KCNQ3: variants seen among roughly 807,000 people sequenced by gnomAD.
KCNQ3 encodes the protein potassium voltage-gated channel subfamily Q member 3, also known as potassium voltage-gated channel subfamily KQT member 3.
Under a neutral mutation model 92.5 loss-of-function variants are expected in KCNQ3, and 30 were observed. The ratio of observed to expected loss-of-function variants is 0.32; its 90% confidence interval spans 0.24 to 0.44. The LOEUF is 0.44. Among genes scored for constraint, KCNQ3 ranks in the 20% least tolerant of loss-of-function variants. The pLI is 1.00. For missense variants in KCNQ3, 913 were observed against 1,140.3 expected, an observed-to-expected ratio of 0.80 and a Z score of 2.87; for synonymous variants, 450 against 468.8, an observed-to-expected ratio of 0.96 and a Z score of 0.52.
chr8:132,439,582 A>AC (rs1821482199), intron 1 of KCNQ3, among the ~76,000 whole-genome samples: 2 of 152,152 alleles, frequency 1.3e-5, no homozygotes, highest in Admixed American at 1.3e-4. Context: ...ATTCCAGATT[A>AC]CCTAGGTGGG....
In KCNQ3 at chr8:132,480,670, A is replaced by AC. The variant is rs879019805; in HGVS notation, c.-139dup. On this transcript the variant is annotated 5_prime_UTR_variant, in exon 1 of 15. Transcript: ENST00000388996. ...TGCCATGATCCGCGCGCCCCTCCCC[A>AC]CCCCCCCCCAAAAGCAGGCAAAGGC... 0.098 allele frequency: 70,853 copies of AC among 723,788 alleles called. 1,612 individuals carry two copies. Among genetic ancestry groups the AC allele is most frequent in the Middle Eastern group, 0.12 (167 of 1,432 alleles). 44.8% of individuals were successfully genotyped at this position (723,788 alleles called of 1,614,324 possible). A position where few individuals can be genotyped will look rare whatever the true frequency, so the allele number is the denominator to read the frequency against.
intron 1 of KCNQ3, among the ~76,000 whole-genome samples, chr8:132,420,896 C>T (rs1386078402): frequency 3.3e-5 from 5 of 151,968 alleles, no homozygotes; most frequent in African/African-American, 7.3e-5. Flanking sequence ...CAGACCAGCA[C>T]ATAGTAGAGA....
At chr8:132,172,809 G>A in intron 6 of KCNQ3, 116 bp from the exon 7 acceptor site, 1 of 759,718 alleles carries the variant, frequency 1.3e-6, no homozygotes, top group Non-Finnish European at 2.4e-6. Flanking sequence ...TCCTTGCAGT[G>A]ACAACACTGT....
intron 1 of KCNQ3, among the ~76,000 whole-genome samples, chr8:132,314,195 T>C (rs543217025): frequency 2.8e-4 from 43 of 152,294 alleles, no homozygotes; most frequent in Non-Finnish European, 4.3e-4. Context: ...ATGCAAAACA[T>C]TTCCTAAATG....
At chr8:132,423,889 G>A (rs970467495) in intron 1 of KCNQ3, among the ~76,000 whole-genome samples, 5 of 152,060 alleles carry the variant, frequency 3.3e-5, no homozygotes, top group South Asian at 2.1e-4. Context: ...TGAGTAAAGC[G>A]TATTGTACTT....
chr8:132,273,996 T>G (rs1816245577), intron 1 of KCNQ3, among the ~76,000 whole-genome samples: 1 of 152,196 alleles, frequency 6.6e-6, no homozygotes, highest in South Asian at 2.1e-4. Context: ...CACATTTTCC[T>G]GTCTTCTGAG....
intron 1 of KCNQ3, among the ~76,000 whole-genome samples, chr8:132,291,293 T>C (rs1255687327): frequency 6.6e-6 from 1 of 152,202 alleles, no homozygotes; most frequent in Non-Finnish European, 1.5e-5. Flanking sequence ...TTTTGGATAC[T>C]GACAGAGATG....
intron 1 of KCNQ3, among the ~76,000 whole-genome samples, chr8:132,396,766 G>A (rs1261915354): frequency 2.0e-5 from 3 of 152,184 alleles, no homozygotes; most frequent in East Asian, 1.9e-4. Flanking sequence ...GATACAGAGA[G>A]TATCTGGGTG....
chr8:132,204,882 T>C (rs1442005409), intron 1 of KCNQ3, among the ~76,000 whole-genome samples: 1 of 152,180 alleles, frequency 6.6e-6, no homozygotes, highest in Non-Finnish European at 1.5e-5. Context: ...CTCATCATCC[T>C]CCATGCTTGA....
At chr8:132,416,485 T>C (rs764191466) in intron 1 of KCNQ3, among the ~76,000 whole-genome samples, 2 of 152,058 alleles carry the variant, frequency 1.3e-5, no homozygotes, top group Non-Finnish European at 2.9e-5. Context: ...CCAGACATGA[T>C]GGCGGGCACC....
intron 1 of KCNQ3, among the ~76,000 whole-genome samples, chr8:132,192,142 T>C (rs962798513): frequency 4.6e-5 from 7 of 152,082 alleles, no homozygotes; most frequent in East Asian, 1.9e-4. Flanking sequence ...ACCACCAAAA[T>C]GCAGTTTCAG....
At chr8:132,197,554 C>T (rs914687535) in intron 1 of KCNQ3, among the ~76,000 whole-genome samples, 1 of 152,200 alleles carries the variant, frequency 6.6e-6, no homozygotes, top group African/African-American at 2.4e-5. Flanking sequence ...AGTGGGCAGG[C>T]ACAGTGGGAA....
intron 9 of KCNQ3, among the ~76,000 whole-genome samples, chr8:132,158,895 A>G (rs1444903877): frequency 6.6e-6 from 1 of 152,180 alleles, no homozygotes; most frequent in Non-Finnish European, 1.5e-5. Context: ...CACATAGGAA[A>G]TAAAGATGGT....
chr8:132,278,443 C>T (rs1367651502), intron 1 of KCNQ3, among the ~76,000 whole-genome samples: 2 of 152,206 alleles, frequency 1.3e-5, no homozygotes, highest in Non-Finnish European at 2.9e-5. Flanking sequence ...TTCCTATGGG[C>T]TAGTGATCCT....
chr8:132,372,403 A>AT (rs895564024), intron 1 of KCNQ3, among the ~76,000 whole-genome samples: 2 of 152,108 alleles, frequency 1.3e-5, no homozygotes, highest in Non-Finnish European at 2.9e-5. Context: ...CATCTGTAAA[A>AT]TGGACACCTT....
At chr8:132,267,814 C>A (rs940657194) in intron 1 of KCNQ3, among the ~76,000 whole-genome samples, 4 of 152,138 alleles carry the variant, frequency 2.6e-5, no homozygotes, top group Non-Finnish European at 5.9e-5. Context: ...GCAAAAATAA[C>A]CAGAAAATAC....
chr8:132,144,758 A>C (rs1825402792), intron 9 of KCNQ3, among the ~76,000 whole-genome samples: 1 of 152,026 alleles, frequency 6.6e-6, no homozygotes, highest in Admixed American at 6.6e-5. Flanking sequence ...ACCTGGGAAA[A>C]TCTTCATCCC....
intron 1 of KCNQ3, among the ~76,000 whole-genome samples, chr8:132,393,955 C>T (rs1044406910): frequency 6.6e-6 from 1 of 152,188 alleles, no homozygotes; most frequent in Admixed American, 6.5e-5. Flanking sequence ...CATCTGCCAG[C>T]CAGGGTTTGC....
chr8:132,171,128 T>C (rs1277453988), intron 7 of KCNQ3, among the ~76,000 whole-genome samples: 2 of 152,192 alleles, frequency 1.3e-5, no homozygotes, highest in African/African-American at 2.4e-5. Context: ...ACAGAGTCTT[T>C]TGTACCATTT....
Sources: allele counts gnomAD v4.1 joint callset (sites outside exome capture counted in the v4.1 genomes callset), GRCh38; gene constraint gnomAD v4.1.1; transcripts MANE v1.5; gene names NCBI Gene and HGNC (gene_info 2026-07-23, HGNC 2026-07-21).